Variants in GNAQ observed in about 807,000 individuals in gnomAD.
The protein encoded by GNAQ is G protein subunit alpha q.
Under a neutral mutation model 43.9 loss-of-function variants are expected in GNAQ, and 8 were observed. The ratio of observed to expected loss-of-function variants is 0.18; its 90% CI spans 0.11 to 0.33. The LOEUF (loss-of-function observed/expected upper bound fraction) is 0.33, where lower values mean the gene tolerates loss of function less well. GNAQ is among the 10% of genes least tolerant of loss of function. The probability of loss-of-function intolerance (pLI) is 1.00; values close to 1 mark genes in which losing one functional copy is unlikely to be tolerated. For missense variants in GNAQ, 158 were observed against 450.8 expected (o/e 0.35, Z 5.88); for synonymous variants, 155 against 170.7 (o/e 0.91, Z 0.71).
intron 3 of GNAQ, among the ~76,000 whole-genome samples, chr9:77,815,014 A>T (rs534568214): frequency 9.5e-4 from 144 of 152,338 alleles, no homozygotes; most frequent in Non-Finnish European, 9.0e-4. Context: ...TTCCCAGGAC[A>T]TGAGTCTGAC....
intron 2 of GNAQ, among the ~76,000 whole-genome samples, chr9:77,818,769 G>A (rs1827060510): frequency 6.6e-6 from 1 of 152,044 alleles, no homozygotes; most frequent in Non-Finnish European, 1.5e-5. Context: ...GGAGGCAGAG[G>A]CAGAAGGATC....
chr9:77,973,632 C>T (rs1587439778), intron 1 of GNAQ, among the ~76,000 whole-genome samples: 1 of 152,294 alleles, frequency 6.6e-6, no homozygotes, highest in African/African-American at 2.4e-5. Context: ...GCCTGGCCAA[C>T]ATGATGAAAC....
chr9:77,928,994 G>C (rs1829109146), intron 1 of GNAQ, among the ~76,000 whole-genome samples: 1 of 151,954 alleles, frequency 6.6e-6, no homozygotes, highest in Admixed American at 6.6e-5. Flanking sequence ...CTTCATCCTG[G>C]GCAAGAGTGA....
intron 5 of GNAQ, among the ~76,000 whole-genome samples, chr9:77,733,576 C>A (rs1318214000): frequency 6.6e-6 from 1 of 152,212 alleles, no homozygotes; most frequent in Non-Finnish European, 1.5e-5. Context: ...CCAAGCAGTT[C>A]TTTCCCAAGC....
At chr9:77,947,190 G>C (rs1342629548) in intron 1 of GNAQ, among the ~76,000 whole-genome samples, 2 of 152,168 alleles carry the variant, frequency 1.3e-5, no homozygotes, top group Admixed American at 1.3e-4. Context: ...GATTACATTT[G>C]GATTATAATT....
Position 77,718,730 on chromosome 9 carries a change from T to TA in GNAQ, c.*2592_*2593insT, listed in dbSNP as rs1825263613. The TA allele has an allele frequency of 5.1e-6, 1 of 197,848 alleles. No homozygotes were observed. Among genetic ancestry groups the TA allele is most frequent in the Non-Finnish European group, 9.9e-6 (1 of 100,746 alleles). The allele number at this position is 197,848 out of a possible 1,614,324, so 12.3% of individuals were successfully genotyped here. A position where few individuals can be genotyped will look rare whatever the true frequency, so the allele number is the denominator to read the frequency against. On this transcript the variant is annotated 3_prime_UTR_variant, in exon 7 of 7. Coordinates refer to ENST00000286548, the MANE Select transcript of GNAQ (RefSeq NM_002072.5). ...GCCTTCAAATGTTGTTGTTTAATTT[T>TA]TTTTTTTTTTTTTTTTTTTTTTGCT...
At chr9:77,911,600 A>G (rs976218191) in intron 2 of GNAQ, among the ~76,000 whole-genome samples, 1 of 152,190 alleles carries the variant, frequency 6.6e-6, no homozygotes, top group African/African-American at 2.4e-5. Context: ...TGAGATCATA[A>G]AACACAAAAA....
At chr9:77,788,345 C>A (rs1406445692) in intron 5 of GNAQ, among the ~76,000 whole-genome samples, 2 of 151,854 alleles carry the variant, frequency 1.3e-5, no homozygotes, top group East Asian at 3.9e-4. Flanking sequence ...GAAACAGAGT[C>A]ATGTGTAGCA....
At chr9:77,738,927 A>G (rs1271900275) in intron 5 of GNAQ, among the ~76,000 whole-genome samples, 1 of 151,950 alleles carries the variant, frequency 6.6e-6, no homozygotes, top group Non-Finnish European at 1.5e-5. Flanking sequence ...CTGTACTTCT[A>G]CTGTGAAATA....
chr9:77,824,559 T>C (rs1827165540), intron 2 of GNAQ, among the ~76,000 whole-genome samples: 1 of 152,210 alleles, frequency 6.6e-6, no homozygotes, highest in Admixed American at 6.5e-5. Context: ...TCTGGTCCAC[T>C]AGTTTATTAA....
chr9:77,809,359 G>A (rs941765452), intron 3 of GNAQ, among the ~76,000 whole-genome samples: 1 of 152,126 alleles, frequency 6.6e-6, no homozygotes, highest in Non-Finnish European at 1.5e-5. Context: ...CTCACTATAC[G>A]CCAATGTGAT....
At chr9:77,751,565 T>C (rs1466296476) in intron 5 of GNAQ, among the ~76,000 whole-genome samples, 1 of 152,136 alleles carries the variant, frequency 6.6e-6, no homozygotes, top group African/African-American at 2.4e-5. Flanking sequence ...AGAAATTTTA[T>C]AATGGGGTGG....
chr9:77,799,660 T>A lies in GNAQ; in HGVS notation c.477-2012A>T, dbSNP rs1587921750. ...ATAAAGTAGGAGGATTAAATCTGAG[T>A]TTAACAAAGAGTTAAGTCTGACTTT... On this transcript the variant is annotated intron_variant, in intron 3 of 6. Coordinates refer to ENST00000286548, the MANE Select transcript of GNAQ (RefSeq NM_002072.5). Among the ~76,000 whole-genome samples, 3 of 152,228 alleles carry A rather than the reference T, an allele frequency of 2.0e-5. No individual in the cohort carries two copies. In the South Asian group the frequency reaches 6.2e-4, roughly 31 times the overall value.
intron 2 of GNAQ, among the ~76,000 whole-genome samples, chr9:77,918,460 AG>A (rs1235134739): frequency 1.3e-5 from 2 of 151,722 alleles, no homozygotes; most frequent in African/African-American, 4.8e-5. Context: ...CAAATTCTTT[AG>A]ACTATTTATA....
intron 5 of GNAQ, among the ~76,000 whole-genome samples, chr9:77,734,212 C>T (rs1202176313): frequency 6.6e-6 from 1 of 152,206 alleles, no homozygotes; most frequent in Non-Finnish European, 1.5e-5. Context: ...ATAACTTTTG[C>T]AACTCCTCAT....
intron 1 of GNAQ, among the ~76,000 whole-genome samples, chr9:78,029,321 GTCTC>G (rs1184026393): frequency 6.6e-6 from 1 of 151,976 alleles, no homozygotes; most frequent in African/African-American, 2.4e-5. Flanking sequence ...CTTAAAACAA[GTCTC>G]TCTAAAATAC....
At position 77,717,411 on chromosome 9, in the gene GNAQ, A is replaced by C; in HGVS notation, c.*3912T>G. ...TTTCATTCGTTTTGAGAAACTGAAAACAAAGGGAAATCAAGGGTAATCGGT... is the reference window on the plus strand; with the variant it reads ...TTTCATTCGTTTTGAGAAACTGAAACCAAAGGGAAATCAAGGGTAATCGGT... On this transcript the variant is annotated 3_prime_UTR_variant, in exon 7 of 7. Transcript: ENST00000286548. The C allele has an allele frequency of 4.3e-6, 1 of 232,470 alleles. No homozygotes were observed. 14.4% of individuals were successfully genotyped at this position (232,470 alleles called of 1,614,324 possible).
chr9:77,807,918 A>G (rs998911043), intron 3 of GNAQ, among the ~76,000 whole-genome samples: 5 of 152,176 alleles, frequency 3.3e-5, no homozygotes, highest in African/African-American at 7.2e-5. Flanking sequence ...CAATACATAA[A>G]CAAACGAACA....
At chr9:77,846,017 T>C (rs1397229471) in intron 2 of GNAQ, among the ~76,000 whole-genome samples, 2 of 152,278 alleles carry the variant, frequency 1.3e-5, no homozygotes, top group East Asian at 3.9e-4. Flanking sequence ...TGCATTCATG[T>C]GTATTATCCT....
Sources: allele counts gnomAD v4.1 joint callset (sites outside exome capture counted in the v4.1 genomes callset), GRCh38; gene constraint gnomAD v4.1.1; transcripts MANE v1.5; gene names NCBI Gene and HGNC (gene_info 2026-07-23, HGNC 2026-07-21).